MCF2L2: variants seen among roughly 807,000 people sequenced by gnomAD.
MCF2L2 encodes the protein probable guanine nucleotide exchange factor MCF2L2.
In MCF2L2, 102 loss-of-function variants were observed where a neutral mutation model predicts 150.2. The observed-to-expected ratio is 0.68, with a 90% CI of 0.58 to 0.80. The LOEUF is 0.80. Ranked by LOEUF, MCF2L2 falls within the 30% of genes least tolerant of loss-of-function variation. The pLI, the probability that MCF2L2 is intolerant of heterozygous loss-of-function variation, is 0.00. For synonymous variants in MCF2L2, 465 were observed against 491.3 expected, an observed-to-expected ratio of 0.95 and a Z score of 0.71; for missense variants, 1,256 against 1,372.8, an observed-to-expected ratio of 0.91 and a Z score of 1.34.
intron 22 of MCF2L2, 81 bp downstream of exon 22, chr3:183,215,887 GA>G: frequency 6.8e-7 from 1 of 1,478,594 alleles, no homozygotes; most frequent in African/African-American, 1.4e-5. Flanking sequence ...CGATCTCTCT[GA>G]CTTTGCCAGA....
chr3:183,360,570 C>CA (rs112722998), intron 3 of MCF2L2, among the ~76,000 whole-genome samples: 6,598 of 145,736 alleles, frequency 0.045, 447 homozygotes, highest in African/African-American at 0.15. Context: ...GAACCTGTCT[C>CA]AAAAAAAAAA....
intron 15 of MCF2L2, among the ~76,000 whole-genome samples, chr3:183,232,120 A>G (rs1723585201): frequency 6.6e-6 from 1 of 152,132 alleles, no homozygotes; most frequent in Non-Finnish European, 1.5e-5. Context: ...AAGATTCAAC[A>G]CAAAGGAGAT....
At chr3:183,321,899 AAGTTGGG>A (rs1303028766) in intron 6 of MCF2L2, among the ~76,000 whole-genome samples, 2 of 152,238 alleles carry the variant, frequency 1.3e-5, no homozygotes, top group Admixed American at 1.3e-4. Context: ...ACAGTTCTGG[AAGTTGGG>A]AAGTTCAAGA....
intron 5 of MCF2L2, among the ~76,000 whole-genome samples, chr3:183,330,015 G>A (rs980992082): frequency 2.0e-5 from 3 of 151,980 alleles, no homozygotes; most frequent in Non-Finnish European, 4.4e-5. Context: ...CAGGAGGATC[G>A]TTTGAGCCCA....
intron 3 of MCF2L2, among the ~76,000 whole-genome samples, chr3:183,367,896 A>T (rs1210111012): frequency 5.3e-5 from 8 of 152,260 alleles, no homozygotes; most frequent in African/African-American, 1.9e-4. Context: ...TCGATGAATC[A>T]AGAAATACAG....
intron 13 of MCF2L2, among the ~76,000 whole-genome samples, chr3:183,294,413 G>A (rs1405733045): frequency 5.3e-5 from 8 of 151,768 alleles, no homozygotes; most frequent in East Asian, 1.9e-4. Flanking sequence ...GGGCAATGGC[G>A]CAATCTCTGC....
intron 3 of MCF2L2, 94 bp downstream of exon 3, chr3:183,379,203 C>A: frequency 2.4e-6 from 2 of 837,670 alleles, no homozygotes; most frequent in South Asian, 3.8e-5. Context: ...GTACACCATG[C>A]TCATGGAAGT....
At chr3:183,360,063 G>A (rs1033616094) in intron 3 of MCF2L2, among the ~76,000 whole-genome samples, 2 of 152,202 alleles carry the variant, frequency 1.3e-5, no homozygotes, top group Non-Finnish European at 2.9e-5. Context: ...TGATAATAGT[G>A]ATGGTAAAGA....
chr3:183,421,907 G>A (rs932904458), intron 1 of MCF2L2, among the ~76,000 whole-genome samples: 1 of 152,162 alleles, frequency 6.6e-6, no homozygotes, highest in African/African-American at 2.4e-5. Context: ...AGACAATGTT[G>A]CTTTGGTTGT....
At chr3:183,412,510 C>T (rs1052080302) in intron 1 of MCF2L2, among the ~76,000 whole-genome samples, 1 of 151,816 alleles carries the variant, frequency 6.6e-6, no homozygotes, top group Non-Finnish European at 1.5e-5. Flanking sequence ...TGTTGGCCAA[C>T]CTGGTCTCAA....
intron 3 of MCF2L2, among the ~76,000 whole-genome samples, chr3:183,358,797 T>G (rs1221834226): frequency 1.3e-5 from 2 of 152,128 alleles, no homozygotes; most frequent in African/African-American, 4.8e-5. Flanking sequence ...ATATTTTTTT[T>G]TTATCTTTGT....
At chr3:183,412,778 G>A (rs141663896) in intron 1 of MCF2L2, among the ~76,000 whole-genome samples, 2 of 152,204 alleles carry the variant, frequency 1.3e-5, no homozygotes, top group African/African-American at 4.8e-5. Context: ...TAGAAGTGGT[G>A]AGGACGGACA....
rs750072352 is a variant in MCF2L2 at position 183,232,537 on chromosome 3, A to G, written c.1863-1520T>C. On this transcript the variant is annotated intron_variant, in intron 15 of 29. Coordinates refer to ENST00000328913, the MANE Select transcript of MCF2L2 (RefSeq NM_015078.4). ...AGTCCAAGTAGATGAGTGTTTATACATGTGTCCTTGTGTAGAATATATATA... is the reference window on the plus strand; with the variant it reads ...AGTCCAAGTAGATGAGTGTTTATACGTGTGTCCTTGTGTAGAATATATATA... 4.1e-4 allele frequency among the ~76,000 whole-genome samples: 63 copies of G among 152,302 alleles called. 1 individual carries two copies. The Middle Eastern group carries it at 0.014, about 33-fold the overall frequency.
intron 15 of MCF2L2, among the ~76,000 whole-genome samples, chr3:183,275,831 G>A (rs1727129506): frequency 6.6e-6 from 1 of 152,126 alleles, no homozygotes; most frequent in African/African-American, 2.4e-5. Flanking sequence ...GCTCAGGCTG[G>A]TCTTCAACTC....
intron 22 of MCF2L2, among the ~76,000 whole-genome samples, chr3:183,213,262 C>CT (rs1722802516): frequency 1.4e-5 from 2 of 144,232 alleles, no homozygotes. Context: ...AAAAAAAAAA[C>CT]TTTTGTTTTT....
At chr3:183,245,498 G>A (rs1289647383) in intron 15 of MCF2L2, among the ~76,000 whole-genome samples, 1 of 152,142 alleles carries the variant, frequency 6.6e-6, no homozygotes, top group African/African-American at 2.4e-5. Flanking sequence ...GGCCACGAGT[G>A]TGGATGAGTG....
chr3:183,366,381 C>A (rs1712522928), intron 3 of MCF2L2, among the ~76,000 whole-genome samples: 1 of 152,326 alleles, frequency 6.6e-6, no homozygotes. Flanking sequence ...TGGCTCATGT[C>A]TGTAATCCCA....
chr3:183,311,828 A>G, intron 7 of MCF2L2, 56 bp from the exon 8 acceptor site: 1 of 1,529,520 alleles, frequency 6.5e-7, no homozygotes, highest in African/African-American at 1.4e-5. Context: ...AATTCTTGGT[A>G]GAATTGAGGT....
chr3:183,206,022 C>A, intron 24 of MCF2L2, 68 bp from the exon 25 acceptor site: 1 of 1,557,418 alleles, frequency 6.4e-7, no homozygotes, highest in Non-Finnish European at 8.9e-7. Flanking sequence ...TTTATTCTCC[C>A]AGTGACCGTT....
Sources: allele counts gnomAD v4.1 joint callset (sites outside exome capture counted in the v4.1 genomes callset), GRCh38; gene constraint gnomAD v4.1.1; transcripts MANE v1.5; gene names NCBI Gene and HGNC (gene_info 2026-07-23, HGNC 2026-07-21).